Variants in AGBL3 observed in about 807,000 individuals in gnomAD.
AGBL3 encodes the protein AGBL carboxypeptidase 3.
A neutral mutation model predicts 94.5 loss-of-function variants in AGBL3; 68 were observed. The ratio of observed to expected loss-of-function variants is 0.72; its 90% CI spans 0.59 to 0.88. AGBL3 has a LOEUF of 0.88. Ranked by LOEUF, AGBL3 falls within the 40% of genes least tolerant of loss-of-function variation. The pLI is 0.00. For synonymous variants in AGBL3, 354 were observed against 370.7 expected (o/e 0.95, Z 0.52); for missense variants, 934 against 1,103.8 (o/e 0.85, Z 2.18).
At chr7:134,997,234 C>T (rs112834272) in intron 4 of AGBL3, among the ~76,000 whole-genome samples, 8 of 152,258 alleles carry the variant, frequency 5.3e-5, no homozygotes, top group African/African-American at 1.2e-4. Flanking sequence ...GCTGATCTGA[C>T]AGGAGACAAA....
intron 4 of AGBL3, among the ~76,000 whole-genome samples, chr7:135,004,666 T>C (rs1164334821): frequency 6.6e-6 from 1 of 151,598 alleles, no homozygotes; most frequent in Non-Finnish European, 1.5e-5. Flanking sequence ...CATGCAGGAT[T>C]TTAAAATTCA....
At chr7:134,990,550 A>G (rs1286813352) in intron 3 of AGBL3, among the ~76,000 whole-genome samples, 1 of 152,224 alleles carries the variant, frequency 6.6e-6, no homozygotes, top group East Asian at 1.9e-4. Flanking sequence ...TAAAGCTCCT[A>G]TGAATATTTT....
intron 4 of AGBL3, among the ~76,000 whole-genome samples, chr7:135,005,723 A>T (rs1460674164): frequency 1.3e-5 from 2 of 151,900 alleles, no homozygotes; most frequent in African/African-American, 4.8e-5. Flanking sequence ...TAGCTACAGT[A>T]GTCAAAGCTA....
At chr7:135,113,986 G>C (rs1295220445) in intron 15 of AGBL3, among the ~76,000 whole-genome samples, 1 of 152,064 alleles carries the variant, frequency 6.6e-6, no homozygotes. Context: ...ATTTTATTTT[G>C]TATAATGGTC....
At chr7:135,088,557 G>T (rs1429134932) in intron 15 of AGBL3, among the ~76,000 whole-genome samples, 1 of 152,016 alleles carries the variant, frequency 6.6e-6, no homozygotes, top group African/African-American at 2.4e-5. Flanking sequence ...ATTATTTCTT[G>T]TAAGACCAGT....
intron 16 of AGBL3, among the ~76,000 whole-genome samples, chr7:135,116,777 G>T (rs1044735586): frequency 6.6e-6 from 1 of 152,172 alleles, no homozygotes; most frequent in African/African-American, 2.4e-5. Flanking sequence ...CTGTTTATCT[G>T]TGGTGCTTGG....
chr7:135,048,140 G>A (rs564036593), intron 11 of AGBL3, among the ~76,000 whole-genome samples: 56 of 151,828 alleles, frequency 3.7e-4, no homozygotes, highest in Non-Finnish European at 7.2e-4. Flanking sequence ...CTTGGCACCC[G>A]TATTGAAGAT....
At chr7:135,057,824 T>C (rs140285621) in intron 11 of AGBL3, among the ~76,000 whole-genome samples, 271 of 152,306 alleles carry the variant, frequency 1.8e-3, no homozygotes, top group African/African-American at 6.1e-3. Context: ...TAAAAATATA[T>C]GGCAGAACTT....
chr7:135,088,962 C>T (rs769763327), intron 15 of AGBL3, among the ~76,000 whole-genome samples: 5 of 152,006 alleles, frequency 3.3e-5, no homozygotes, highest in Non-Finnish European at 7.4e-5. Flanking sequence ...AATTGGTTTT[C>T]TATACCTTTC....
intron 12 of AGBL3, among the ~76,000 whole-genome samples, chr7:135,070,115 G>T (rs1819742363): frequency 6.6e-6 from 1 of 152,160 alleles, no homozygotes; most frequent in African/African-American, 2.4e-5. Context: ...AAATAAACTA[G>T]AAAATCTAGA....
chr7:135,026,244 A>ATTATTTTATTTTATTTTTTTTATTTTATT (rs147501962), intron 5 of AGBL3, among the ~76,000 whole-genome samples: 6 of 81,464 alleles, frequency 7.4e-5, no homozygotes, highest in Admixed American at 4.1e-4. Flanking sequence ...AATGAATACC[A>ATTATTTTATTTTATTTTTTTTATTTTATT]TTATTTTATT....
chr7:135,016,957 C>T, intron 4 of AGBL3, 95 bp from the exon 5 acceptor site: 3 of 807,250 alleles, frequency 3.7e-6, no homozygotes, highest in South Asian at 1.5e-5. Flanking sequence ...ACATTTTAGC[C>T]TAGATCTATC....
intron 12 of AGBL3, among the ~76,000 whole-genome samples, chr7:135,065,490 A>G (rs1429432024): frequency 6.6e-6 from 1 of 152,236 alleles, no homozygotes; most frequent in Non-Finnish European, 1.5e-5. Context: ...CACACAGCAC[A>G]ATGGAGCAAA....
Position 135,044,154 on chromosome 7 carries a change from A to G in AGBL3, c.1627+3A>G, listed in dbSNP as rs766578922. The stretch of plus-strand genomic sequence containing the variant: ...CACCTTCTGTGGATCTACTCTGGGT[A>G]AGACCAAGGGTTCTCATTCACAGCT... On this transcript the variant is annotated splice_donor_region_variant and intron_variant, in intron 9 of 16. Coordinates refer to ENST00000436302, the MANE Select transcript of AGBL3 (RefSeq NM_178563.4). The G allele has an allele frequency of 6.5e-7, 1 of 1,547,554 alleles. No homozygotes were observed. The highest frequency in any genetic ancestry group is 1.2e-5 in the South Asian group (1 of 83,480).
At chr7:135,002,454 A>AATAAGG (rs1324574059) in intron 4 of AGBL3, among the ~76,000 whole-genome samples, 2 of 152,096 alleles carry the variant, frequency 1.3e-5, no homozygotes, top group African/African-American at 4.8e-5. Flanking sequence ...GTCTGTATGG[A>AATAAGG]ATGCCCACGT....
At chr7:135,107,976 CTTT>C in intron 15 of AGBL3, among the ~76,000 whole-genome samples, 1 of 149,488 alleles carries the variant, frequency 6.7e-6, no homozygotes, top group African/African-American at 2.5e-5. Context: ...ATGTCTTTAT[CTTT>C]TTTTTTTATC....
intron 11 of AGBL3, among the ~76,000 whole-genome samples, chr7:135,048,750 GTTGT>G (rs760023577): frequency 8.9e-6 from 1 of 112,586 alleles, no homozygotes; most frequent in East Asian, 2.1e-4. Context: ...AGTTCTCACA[GTTGT>G]TTTTTTTTTT....
intron 11 of AGBL3, among the ~76,000 whole-genome samples, chr7:135,053,382 C>T (rs1196960668): frequency 6.6e-6 from 1 of 152,008 alleles, no homozygotes; most frequent in African/African-American, 2.4e-5. Context: ...CTGAGGTAGG[C>T]GTATCACCTG....
At chr7:135,021,231 C>G (rs1436949625) in intron 5 of AGBL3, among the ~76,000 whole-genome samples, 2 of 151,418 alleles carry the variant, frequency 1.3e-5, no homozygotes, top group Non-Finnish European at 2.9e-5. Flanking sequence ...TGGCAATCTA[C>G]TTTGATATTC....
Sources: gnomAD v4.1 joint callset for allele counts (sites outside exome capture counted in the v4.1 genomes callset) on GRCh38, gnomAD v4.1.1 for gene constraint, MANE v1.5 for transcripts, NCBI Gene and HGNC (gene_info 2026-07-23, HGNC 2026-07-21) for gene names.